The following ZNF892 variants were observed in gnomAD, a reference collection of about 807,000 sequenced individuals.
ZNF892 encodes the protein zinc finger protein 570-like.
chr2:95,212,101 C>T, the ZNF892 span: 1 of 397,496 alleles, frequency 2.5e-6, no homozygotes, highest in South Asian at 1.4e-4. Flanking sequence ...GGAGAACTGA[C>T]CTCACTCTCT....
At chr2:95,245,175 A>G in the ZNF892 span, among the ~76,000 whole-genome samples, 5 of 151,846 alleles carry the variant, frequency 3.3e-5, no homozygotes, top group African/African-American at 1.2e-4. Context: ...AGAAATAACC[A>G]AGCTCAGAGG....
chr2:95,210,089 A>ATATATG, the ZNF892 span, among the ~76,000 whole-genome samples: 19 of 149,904 alleles, frequency 1.3e-4, no homozygotes, highest in East Asian at 2.0e-3. Context: ...GTATATATGT[A>ATATATG]TATATATGTG....
At chr2:95,254,691 G>T in the ZNF892 span, among the ~76,000 whole-genome samples, 1 of 152,148 alleles carries the variant, frequency 6.6e-6, no homozygotes, top group Admixed American at 6.5e-5. Flanking sequence ...GTAGAATTCG[G>T]CTGTGAATCC....
the ZNF892 span, among the ~76,000 whole-genome samples, chr2:95,217,226 C>T: frequency 6.6e-6 from 1 of 152,082 alleles, no homozygotes; most frequent in Non-Finnish European, 1.5e-5. Flanking sequence ...AGGACTCTGC[C>T]CTTATTACCT....
At chr2:95,245,424 T>G in the ZNF892 span, among the ~76,000 whole-genome samples, 2 of 129,290 alleles carry the variant, frequency 1.5e-5, no homozygotes, top group Admixed American at 1.8e-4. Flanking sequence ...TTTTTTGTAT[T>G]TTTTAGTATT....
the ZNF892 span, chr2:95,208,687 AC>A: frequency 7.5e-6 from 3 of 398,480 alleles, no homozygotes; most frequent in Non-Finnish European, 1.3e-5. Context: ...CATGCTGGAA[AC>A]CCAAAAGAAA....
At chr2:95,236,105 T>G in the ZNF892 span, among the ~76,000 whole-genome samples, 4 of 152,190 alleles carry the variant, frequency 2.6e-5, no homozygotes, top group South Asian at 6.2e-4. Context: ...TTCCACGAAG[T>G]CACCTCTAGT....
At chr2:95,249,237 T>A in the ZNF892 span, among the ~76,000 whole-genome samples, 523 of 102,520 alleles carry the variant, frequency 5.1e-3, 1 homozygote, top group African/African-American at 0.014. Context: ...ATATATTTTT[T>A]TTTTTTTTTT....
At chr2:95,255,005 TTTG>T in the ZNF892 span, among the ~76,000 whole-genome samples, 1 of 152,198 alleles carries the variant, frequency 6.6e-6, no homozygotes, top group Non-Finnish European at 1.5e-5. Context: ...GTCTATCAAT[TTTG>T]TTGATCTTTT....
At chr2:95,261,296 CTTT>C in the ZNF892 span, among the ~76,000 whole-genome samples, 6 of 141,502 alleles carry the variant, frequency 4.2e-5, no homozygotes, top group Admixed American at 7.1e-5. Flanking sequence ...TTACACAATT[CTTT>C]TTTTTTTTTT....
the ZNF892 span, among the ~76,000 whole-genome samples, chr2:95,229,033 G>T: frequency 7.9e-5 from 12 of 152,056 alleles, no homozygotes; most frequent in African/African-American, 2.7e-4. Context: ...TTTTCCAGTT[G>T]TCCCGCCTTT....
At chr2:95,235,729 T>C in the ZNF892 span, among the ~76,000 whole-genome samples, 3 of 152,300 alleles carry the variant, frequency 2.0e-5, no homozygotes, top group East Asian at 3.9e-4. Context: ...TTTGTTGTGG[T>C]GATTTCTCTG....
the ZNF892 span, among the ~76,000 whole-genome samples, chr2:95,245,583 T>TG: frequency 1.1e-4 from 3 of 27,662 alleles, no homozygotes; most frequent in African/African-American, 2.1e-4. Flanking sequence ...GCTGGTTTTT[T>TG]GAAAAAAAAA....
chr2:95,246,756 A>G, the ZNF892 span, among the ~76,000 whole-genome samples: 49 of 152,354 alleles, frequency 3.2e-4, no homozygotes, highest in Non-Finnish European at 5.0e-4. Flanking sequence ...ACTTCTATTC[A>G]TAATGGCTAT....
chr2:95,253,713 T>C, the ZNF892 span, among the ~76,000 whole-genome samples: 2 of 152,236 alleles, frequency 1.3e-5, no homozygotes, highest in Admixed American at 6.5e-5. Flanking sequence ...TTCCTGCCCA[T>C]GAACATGGAA....
the ZNF892 span, among the ~76,000 whole-genome samples, chr2:95,224,312 C>T: frequency 6.6e-6 from 1 of 152,188 alleles, no homozygotes; most frequent in Non-Finnish European, 1.5e-5. Context: ...ATCATACAGT[C>T]ATCATACAGT....
At chr2:95,260,355 C>G in the ZNF892 span, among the ~76,000 whole-genome samples, 1 of 152,110 alleles carries the variant, frequency 6.6e-6, no homozygotes, top group African/African-American at 2.4e-5. Flanking sequence ...AGTGTCTGGC[C>G]TCCGTGTTAC....
chr2:95,214,891 TC>T, the ZNF892 span: 1 of 502,744 alleles, frequency 2.0e-6, no homozygotes, highest in Non-Finnish European at 3.6e-6. Context: ...GGGAAAGCCT[TC>T]AGTCACCGCT....
At chr2:95,209,595 A>C in the ZNF892 span, among the ~76,000 whole-genome samples, 14 of 152,316 alleles carry the variant, frequency 9.2e-5, no homozygotes, top group East Asian at 2.7e-3. Flanking sequence ...GCCTAACAGC[A>C]TACAGGTACT....
Sources: allele counts gnomAD v4.1 joint callset (sites outside exome capture counted in the v4.1 genomes callset), GRCh38; gene constraint gnomAD v4.1.1; transcripts MANE v1.5; gene names NCBI Gene and HGNC (gene_info 2026-07-23, HGNC 2026-07-21).